The following TDRD12 variants were observed in gnomAD, a reference collection of about 807,000 sequenced individuals.
The protein encoded by TDRD12 is tudor domain containing 12, also known as putative ATP-dependent RNA helicase TDRD12.
In TDRD12, 158 loss-of-function variants were observed where a neutral mutation model predicts 133.5. That is an observed-to-expected ratio of 1.18 (90% CI 1.04 to 1.35). The LOEUF is 1.35. TDRD12 is among the 40% of genes most tolerant of loss of function. The pLI is 0.00. For synonymous variants in TDRD12, 460 were observed against 477.9 expected (o/e 0.96, Z 0.49); for missense variants, 1,443 against 1,321.3 (o/e 1.09, Z -1.43).
At chr19:32,798,412 C>G (rs766334419) in exon 16 of TDRD12, 65 of 1,535,358 alleles carry the variant, frequency 4.2e-5, no homozygotes, top group Admixed American at 5.9e-5. Context: ...GGTAGAGGTG[C>G]TATTCTTGGA....
chr19:32,740,400 ACTCTCTGCATCTCCTGGGTG>A (rs1969384341), intron 3 of TDRD12, among the ~76,000 whole-genome samples: 6 of 61,828 alleles, frequency 9.7e-5, no homozygotes, highest in East Asian at 5.3e-4. Context: ...TCTCCTGGGT[ACTCTCTGCATCTCCTGGGTG>A]CTCTCTGCAT....
At chr19:32,793,653 CT>C (rs2145672175) in intron 13 of TDRD12, among the ~76,000 whole-genome samples, 1 of 152,212 alleles carries the variant, frequency 6.6e-6, no homozygotes, top group African/African-American at 2.4e-5. Context: ...TTTTAAAAAG[CT>C]TTACAAGTGA....
intron 27 of TDRD12, 105 bp from the exon 28 acceptor site, chr19:32,820,928 C>T: frequency 3.5e-6 from 3 of 864,600 alleles, no homozygotes. Context: ...GTGGGTCTGA[C>T]TCCACGGCCA....
intron 11 of TDRD12, among the ~76,000 whole-genome samples, chr19:32,777,859 T>TATA (rs1970652103): frequency 4.5e-5 from 1 of 22,060 alleles, no homozygotes; most frequent in Non-Finnish European, 7.5e-5. Flanking sequence ...ATATATATAT[T>TATA]TTTTTTTTTT....
intron 13 of TDRD12, among the ~76,000 whole-genome samples, chr19:32,792,226 A>G (rs1435304624): frequency 5.3e-5 from 8 of 151,950 alleles, no homozygotes; most frequent in Non-Finnish European, 1.0e-4. Context: ...AGCCTGGGCA[A>G]TAGAGCAAGA....
chr19:32,734,067 T>C (rs1057241485), intron 2 of TDRD12, among the ~76,000 whole-genome samples: 5 of 151,874 alleles, frequency 3.3e-5, no homozygotes, highest in African/African-American at 1.2e-4. Flanking sequence ...AATTTCGTTT[T>C]TGTATTTTTA....
Position 32,738,860 on chromosome 19 carries a change from G to T in TDRD12, c.188G>T (p.Cys63Phe), listed in dbSNP as rs1196825700. 5.2e-6 allele frequency: 8 copies of T among 1,550,896 alleles called. No homozygotes were observed. Among genetic ancestry groups the T allele is most frequent in the Non-Finnish European group, 7.0e-6 (8 of 1,146,908 alleles). ...AACTCTCTGTTTATTTTGCAGGTGT[G>T]TGTGGTCTATTGTGAGGAGCTAAAG... Residue 63 changes from cysteine (C) to phenylalanine (F), a missense_variant, in exon 3 of 28, where the codon TGT (cysteine) becomes TTT (phenylalanine). Physicochemically the swap from Cys to Phe is radical, Grantham distance 205 (BLOSUM62 -2). Transcript: ENST00000444215.
At chr19:32,755,443 C>G (rs1034753689) in intron 6 of TDRD12, among the ~76,000 whole-genome samples, 2 of 152,204 alleles carry the variant, frequency 1.3e-5, no homozygotes, top group African/African-American at 4.8e-5. Context: ...TTGCGTTTCC[C>G]TAATGATGGT....
At chr19:32,721,976 A>G (rs1364284201) in intron 1 of TDRD12, among the ~76,000 whole-genome samples, 1 of 151,006 alleles carries the variant, frequency 6.6e-6, no homozygotes, top group Non-Finnish European at 1.5e-5. Context: ...TCGGCTTCCC[A>G]AAGTGCTGGG....
intron 6 of TDRD12, among the ~76,000 whole-genome samples, chr19:32,755,335 A>C (rs796866326): frequency 2.0e-5 from 3 of 152,276 alleles, no homozygotes; most frequent in African/African-American, 7.2e-5. Flanking sequence ...GTGGTGGACT[A>C]TTTTACCTTC....
At chr19:32,786,845 T>C (rs1332015795) in intron 11 of TDRD12, among the ~76,000 whole-genome samples, 1 of 152,226 alleles carries the variant, frequency 6.6e-6, no homozygotes, top group Non-Finnish European at 1.5e-5. Flanking sequence ...TCAAGGTTTT[T>C]AGCTTCCTTA....
At chr19:32,821,763 T>G (rs1282718530), downstream of TDRD12, among the ~76,000 whole-genome samples, 1 of 152,236 alleles carries the variant, frequency 6.6e-6, no homozygotes, top group Non-Finnish European at 1.5e-5. Context: ...GCATTTTTTC[T>G]TAATCTTGGA....
exon 10 of TDRD12, chr19:32,828,679 G>A (rs1967664551): frequency 6.6e-6 from 1 of 152,206 alleles, no homozygotes; most frequent in Non-Finnish European, 1.5e-5. Flanking sequence ...GCCACCGCTT[G>A]AACTAGAGGT....
Position 32,815,574 on chromosome 19 carries a change from G to T in TDRD12, c.3268G>T (p.Glu1090Ter). The T allele has an allele frequency of 6.5e-7, 1 of 1,536,220 alleles. No individual in the cohort carries two copies. Among genetic ancestry groups the T allele is most frequent in the South Asian group, 1.2e-5 (1 of 84,052 alleles). Reference sequence around the variant, plus strand: ...CATAGAACAACTGAAAAAATTACGCGAAGATGCTAAGATACCAGCTTGTGA... The same window carrying T: ...CATAGAACAACTGAAAAAATTACGCTAAGATGCTAAGATACCAGCTTGTGA... Residue 1090 changes from glutamate (E) to a stop codon, truncating the protein, a stop_gained, in exon 26 of 28, where the codon GAA becomes TAA. Coordinates refer to ENST00000444215, the Ensembl canonical transcript of TDRD12. LOFTEE classifies it high-confidence loss of function.
At chr19:32,813,659 AAAT>A in intron 24 of TDRD12, 22 bp from the exon 25 acceptor site, 1 of 1,388,570 alleles carries the variant, frequency 7.2e-7, no homozygotes, top group Non-Finnish European at 9.8e-7. Context: ...GCCTCACCTA[AAAT>A]AATGTTAAGT....
At chr19:32,782,365 A>G (rs2145635310) in intron 11 of TDRD12, among the ~76,000 whole-genome samples, 1 of 152,262 alleles carries the variant, frequency 6.6e-6, no homozygotes, top group South Asian at 2.1e-4. Context: ...CCAGTCTATC[A>G]TTGATGGACA....
At chr19:32,753,288 C>G (rs1969890260) in intron 6 of TDRD12, among the ~76,000 whole-genome samples, 1 of 152,172 alleles carries the variant, frequency 6.6e-6, no homozygotes, top group Non-Finnish European at 1.5e-5. Context: ...CTGTATCCAT[C>G]TGTACACATA....
At chr19:32,719,985 C>T in exon 1 of TDRD12, 3 of 1,491,794 alleles carry the variant, frequency 2.0e-6, no homozygotes, top group South Asian at 1.2e-5. Context: ...CGGCGGGGGC[C>T]TGGCCGGGGC....
chr19:32,754,760 T>C (rs1969942832), intron 6 of TDRD12, among the ~76,000 whole-genome samples: 1 of 138,672 alleles, frequency 7.2e-6, no homozygotes. Context: ...CACCGCAACC[T>C]CTGCCTCCTG....
Sources: gnomAD v4.1 joint callset for allele counts (sites outside exome capture counted in the v4.1 genomes callset) on GRCh38, gnomAD v4.1.1 for gene constraint, MANE v1.5 for transcripts, NCBI Gene and HGNC (gene_info 2026-07-23, HGNC 2026-07-21) for gene names.